The following IER3IP1 variants were observed in gnomAD, a reference collection of about 807,000 sequenced individuals.
The protein encoded by IER3IP1 is immediate early response 3 interacting protein 1.
In IER3IP1, 16 loss-of-function variants were observed where a neutral mutation model predicts 12.2. The ratio of observed to expected loss-of-function variants is 1.31; its 90% CI spans 0.89 to 1.99. The LOEUF is 1.99. Among genes scored for constraint, IER3IP1 ranks in the 30% most tolerant of loss-of-function variants. The pLI, the probability that IER3IP1 is intolerant of heterozygous loss-of-function variation, is 0.00. For synonymous variants in IER3IP1, 42 were observed against 40.0 expected (o/e 1.05, Z -0.19); for missense variants, 95 against 95.8 (o/e 0.99, Z 0.03).
intron 1 of IER3IP1, among the ~76,000 whole-genome samples, chr18:47,169,146 A>G (rs1045889161): frequency 6.6e-6 from 1 of 152,218 alleles, no homozygotes; most frequent in African/African-American, 2.4e-5. Flanking sequence ...CCTAGCATAA[A>G]GAGTATCACA....
chr18:47,167,858 T>G (rs2064000917), intron 1 of IER3IP1, among the ~76,000 whole-genome samples: 1 of 152,088 alleles, frequency 6.6e-6, no homozygotes, highest in Non-Finnish European at 1.5e-5. Context: ...GCGTGGTGGC[T>G]TAAACCTGTA....
chr18:47,163,281 C>T (rs1053205289), intron 1 of IER3IP1, among the ~76,000 whole-genome samples: 2 of 152,118 alleles, frequency 1.3e-5, no homozygotes, highest in African/African-American at 4.8e-5. Flanking sequence ...TGCGATATTA[C>T]AACATTTACT....
At chr18:47,170,450 G>A (rs1474134156) in intron 1 of IER3IP1, among the ~76,000 whole-genome samples, 1 of 151,910 alleles carries the variant, frequency 6.6e-6, no homozygotes, top group Non-Finnish European at 1.5e-5. Flanking sequence ...CTGGGATTTT[G>A]ATAGACACCA....
intron 1 of IER3IP1, among the ~76,000 whole-genome samples, chr18:47,165,190 A>G (rs2063992327): frequency 6.6e-6 from 1 of 150,686 alleles, no homozygotes; most frequent in Admixed American, 6.6e-5. Context: ...TATCATAAAC[A>G]TGAAAGTGCC....
Position 47,157,258 on chromosome 18 carries a change from T to A in IER3IP1, c.193+178A>T, listed in dbSNP as rs1420126852. The A allele has an allele frequency of 1.4e-4, 85 of 604,064 alleles. 1 individual carries two copies. The Admixed American group carries it at 1.6e-3, about 12-fold the overall frequency. The allele number at this position is 604,064 out of a possible 1,614,324, so 37.4% of individuals were successfully genotyped here. On this transcript the variant is annotated intron_variant, in intron 2 of 2. Transcript: ENST00000256433. ...TTGTACCAACTGGCTTAGATAGAAG[T>A]AAGAAGCAAACTAAGAAAAAAAAAA...
intron 1 of IER3IP1, among the ~76,000 whole-genome samples, chr18:47,158,100 A>C (rs763297177): frequency 6.6e-6 from 1 of 152,248 alleles, no homozygotes; most frequent in Non-Finnish European, 1.5e-5. Context: ...AATCCAAAAG[A>C]TCAAAATCCT....
In IER3IP1 at chr18:47,154,010, G is replaced by T. The variant is rs1193471207; in HGVS notation, c.*2167C>A. 1 of 152,186 alleles carries T rather than the reference G, an allele frequency of 6.6e-6. No homozygotes were observed. Among genetic ancestry groups the T allele is most frequent in the African/African-American group, 2.4e-5 (1 of 41,442 alleles). 9.4% of individuals were successfully genotyped at this position (152,186 alleles called of 1,614,324 possible). A position where few individuals can be genotyped will look rare whatever the true frequency, so the allele number is the denominator to read the frequency against. On this transcript the variant is annotated 3_prime_UTR_variant, in exon 3 of 3. Transcript: ENST00000256433. ...TTGAAAACCACTGTACTTGATTAGC[G>T]ATGAATTTGGTTAATATCTACAGAC...
chr18:47,161,713 T>G (rs1033738251), intron 1 of IER3IP1, among the ~76,000 whole-genome samples: 4 of 151,410 alleles, frequency 2.6e-5, no homozygotes, highest in African/African-American at 4.9e-5. Context: ...GGTTGGGGGG[T>G]GGTGGTGGTT....
intron 1 of IER3IP1, among the ~76,000 whole-genome samples, chr18:47,158,759 G>A (rs2063969842): frequency 6.7e-6 from 1 of 149,962 alleles, no homozygotes; most frequent in Non-Finnish European, 1.5e-5. Context: ...CCAGGAGTTC[G>A]AGACCAGCCT....
rs754658292 is a variant in IER3IP1, at chr18:47,157,512, A to T, written c.117T>A (p.Ile39=). 6.2e-7 allele frequency: 1 copy of T among 1,614,080 alleles called. No individual in the cohort carries two copies. Among genetic ancestry groups the T allele is most frequent in the South Asian group, 1.1e-5 (1 of 91,080 alleles). ...KNIGWGTDQG[I]GGFGEEPGIK... is the part of the protein sequence containing the mutation. Reference sequence around the variant, plus strand: ...TTCCCGGCTCTTCTCCAAATCCACCAATTCCCTGGTCTGTTCCCCAGCCAA... The same window carrying T: ...TTCCCGGCTCTTCTCCAAATCCACCTATTCCCTGGTCTGTTCCCCAGCCAA... Residue 39 remains isoleucine, a synonymous_variant, in exon 2 of 3, where the codon ATT becomes ATA. Transcript: ENST00000256433.
At chr18:47,156,901 C>A in intron 2 of IER3IP1, 1 of 155,064 alleles carries the variant, frequency 6.4e-6, no homozygotes, top group Non-Finnish European at 1.4e-5. Flanking sequence ...GGGTTCAAGC[C>A]ATCCTCCTGC....
At chr18:47,166,679 A>G (rs1361024012) in intron 1 of IER3IP1, among the ~76,000 whole-genome samples, 1 of 152,186 alleles carries the variant, frequency 6.6e-6, no homozygotes, top group Non-Finnish European at 1.5e-5. Flanking sequence ...CACCTGAGAG[A>G]AGCGAAACTG....
chr18:47,162,581 CAG>C (rs576137740), intron 1 of IER3IP1, among the ~76,000 whole-genome samples: 108 of 151,662 alleles, frequency 7.1e-4, no homozygotes, highest in Middle Eastern at 3.4e-3. Context: ...AGTTCAAAAA[CAG>C]GGGTTGAAAG....
rs201064144 is a variant in IER3IP1, at chr18:47,156,014, T to TAAA, written c.*160_*162dup. 1.6e-5 allele frequency: 8 copies of TAAA among 493,360 alleles called. No individual in the cohort carries two copies. Among genetic ancestry groups the TAAA allele is most frequent in the Admixed American group, 3.7e-5 (1 of 27,140 alleles). The allele number at this position is 493,360 out of a possible 1,614,324, so 30.6% of individuals were successfully genotyped here. A position where few individuals can be genotyped will look rare whatever the true frequency, so the allele number is the denominator to read the frequency against. ...TGTAATGAAACTACAAGTGCAACAT[T>TAAA]AAAAAAAAAAACAGATAAATAGAAA... On this transcript the variant is annotated 3_prime_UTR_variant, in exon 3 of 3. Coordinates refer to ENST00000256433, the MANE Select transcript of IER3IP1 (RefSeq NM_016097.5).
chr18:47,176,099 C>T, intron 1 of IER3IP1, 88 bp downstream of exon 1: 3 of 1,071,582 alleles, frequency 2.8e-6, no homozygotes, highest in Non-Finnish European at 4.2e-6. Context: ...TGTCCCGGCC[C>T]TTGGTGTCCC....
rs140167453 is a variant in IER3IP1 at position 47,161,163 on chromosome 18, A to C, written c.92-3626T>G. On this transcript the variant is annotated intron_variant, in intron 1 of 2. Transcript: ENST00000256433. The stretch of plus-strand genomic sequence containing the variant: ...TAAATAGATATACCTGAAAGACTCA[A>C]ATATCAGGAAATAAGACTTCACTTT... Among the ~76,000 whole-genome samples, 197 of 152,318 alleles carry C rather than the reference A, an allele frequency of 1.3e-3. 1 individual carries two copies. Among genetic ancestry groups the C allele is most frequent in the Admixed American group, 2.4e-3 (36 of 15,300 alleles).
At chr18:47,174,583 C>G (rs188486994) in intron 1 of IER3IP1, among the ~76,000 whole-genome samples, 1 of 151,774 alleles carries the variant, frequency 6.6e-6, no homozygotes, top group South Asian at 2.1e-4. Context: ...GCAGGAGAAT[C>G]GCTTGAACCT....
intron 2 of IER3IP1, 40 bp downstream of exon 2, chr18:47,157,396 C>T: frequency 6.5e-7 from 1 of 1,550,236 alleles, no homozygotes; most frequent in Non-Finnish European, 8.9e-7. Context: ...TAAACCACAA[C>T]ATTAAAACTT....
Position 47,168,562 on chromosome 18 carries a change from TCA to T in IER3IP1, c.91+7623_91+7624del, listed in dbSNP as rs1431166921. 1.1e-4 allele frequency among the ~76,000 whole-genome samples: 16 copies of T among 152,338 alleles called. No homozygotes were observed. In the South Asian group the frequency reaches 2.7e-3, roughly 26 times the overall value. On this transcript the variant is annotated intron_variant, in intron 1 of 2. Coordinates refer to ENST00000256433, the MANE Select transcript of IER3IP1 (RefSeq NM_016097.5). ...GTGCCTGTCTTTTGCTCAAATTGTG[TCA>T]CAGTCATCCATATTGCTTTGTAGGA...
Sources: gnomAD v4.1 joint callset for allele counts (sites outside exome capture counted in the v4.1 genomes callset) on GRCh38, gnomAD v4.1.1 for gene constraint, MANE v1.5 for transcripts, NCBI Gene and HGNC (gene_info 2026-07-23, HGNC 2026-07-21) for gene names.